The following ENTREP2 variants were observed in gnomAD, a reference collection of about 807,000 sequenced individuals.
The protein encoded by ENTREP2 is protein ENTREP2.
At chr15:29,155,010 T>G in the ENTREP2 span, among the ~76,000 whole-genome samples, 1 of 150,578 alleles carries the variant, frequency 6.6e-6, no homozygotes, top group Non-Finnish European at 1.5e-5. Flanking sequence ...CGGCCGGGCG[T>G]GGTGGCTCAT....
chr15:29,185,837 C>T, the ENTREP2 span, among the ~76,000 whole-genome samples: 2 of 152,228 alleles, frequency 1.3e-5, no homozygotes, highest in African/African-American at 4.8e-5. Flanking sequence ...GCAGGGATTA[C>T]AGGTGTGAGC....
At chr15:29,588,650 G>A in the ENTREP2 span, among the ~76,000 whole-genome samples, 1 of 151,532 alleles carries the variant, frequency 6.6e-6, no homozygotes. Flanking sequence ...GGAGAAAGAG[G>A]AAACCTGTAC....
the ENTREP2 span, among the ~76,000 whole-genome samples, chr15:29,313,982 C>T: frequency 1.3e-5 from 2 of 152,056 alleles, no homozygotes; most frequent in East Asian, 1.9e-4. Flanking sequence ...TCAAAATTTC[C>T]GTGGAGGAAG....
At chr15:29,215,737 C>T in the ENTREP2 span, among the ~76,000 whole-genome samples, 1 of 152,078 alleles carries the variant, frequency 6.6e-6, no homozygotes, top group Non-Finnish European at 1.5e-5. Flanking sequence ...CTTTTGGTGT[C>T]AATTTGCGTG....
the ENTREP2 span, chr15:29,234,977 A>AC: frequency 6.9e-7 from 1 of 1,453,926 alleles, no homozygotes; most frequent in South Asian, 1.1e-5. Flanking sequence ...GATTGTATTA[A>AC]CACAGCCATC....
At chr15:29,328,417 C>T in the ENTREP2 span, among the ~76,000 whole-genome samples, 2 of 152,276 alleles carry the variant, frequency 1.3e-5, no homozygotes, top group East Asian at 1.9e-4. Context: ...TGCAGATATG[C>T]TAACTTTTAA....
the ENTREP2 span, among the ~76,000 whole-genome samples, chr15:29,257,761 A>T: frequency 6.6e-6 from 1 of 152,290 alleles, no homozygotes; most frequent in South Asian, 2.1e-4. Context: ...AGTTAAATTT[A>T]TTTTCCTTAA....
the ENTREP2 span, among the ~76,000 whole-genome samples, chr15:29,561,463 C>G: frequency 1.3e-5 from 2 of 151,914 alleles, no homozygotes; most frequent in African/African-American, 2.4e-5. Context: ...TGAGGCAGGC[C>G]GATCACGAGG....
chr15:29,486,070 TACAG>T, the ENTREP2 span, among the ~76,000 whole-genome samples: 5 of 152,224 alleles, frequency 3.3e-5, no homozygotes, highest in Admixed American at 1.3e-4. Context: ...CCATGTTCAT[TACAG>T]CACTATTCAC....
the ENTREP2 span, among the ~76,000 whole-genome samples, chr15:29,135,338 G>A: frequency 1.1e-4 from 16 of 152,102 alleles, no homozygotes; most frequent in Admixed American, 5.9e-4. This position sits in a 1 kb window ranked among gnomAD's most constrained non-coding sequence, Gnocchi z 7.4. Flanking sequence ...TTTTCCAGTC[G>A]TTTGCTTTCT....
chr15:29,279,423 G>A, the ENTREP2 span, among the ~76,000 whole-genome samples: 1 of 151,240 alleles, frequency 6.6e-6, no homozygotes, highest in Non-Finnish European at 1.5e-5. Context: ...GGTGTGCAGT[G>A]GTGCAATCTC....
the ENTREP2 span, among the ~76,000 whole-genome samples, chr15:29,313,482 T>C: frequency 6.6e-6 from 1 of 152,314 alleles, no homozygotes; most frequent in South Asian, 2.1e-4. Context: ...CCCTTAAGAA[T>C]TATGCTAAAT....
At chr15:29,252,540 A>G in the ENTREP2 span, 1 of 895,890 alleles carries the variant, frequency 1.1e-6, no homozygotes, top group Non-Finnish European at 1.8e-6. Context: ...GAAAAATGAC[A>G]TGGCTTTACA....
chr15:29,217,905 G>C, the ENTREP2 span, among the ~76,000 whole-genome samples: 1 of 152,154 alleles, frequency 6.6e-6, no homozygotes, highest in Non-Finnish European at 1.5e-5. Flanking sequence ...AGGGCTGAAG[G>C]CTGTTGTTCA....
chr15:29,397,654 C>T, the ENTREP2 span, among the ~76,000 whole-genome samples: 4,457 of 152,290 alleles, frequency 0.029, 81 homozygotes, highest in Non-Finnish European at 0.049. Context: ...TGCTAAATTA[C>T]TACAATTGAT....
the ENTREP2 span, among the ~76,000 whole-genome samples, chr15:29,589,758 T>G: frequency 1.3e-5 from 2 of 152,084 alleles, no homozygotes; most frequent in Admixed American, 6.6e-5. Flanking sequence ...ATACAGACAG[T>G]AGGAAAAACA....
At chr15:29,147,147 A>G in the ENTREP2 span, among the ~76,000 whole-genome samples, 1 of 152,234 alleles carries the variant, frequency 6.6e-6, no homozygotes, top group Non-Finnish European at 1.5e-5. Flanking sequence ...TATATATCTG[A>G]TAAGGGGGTT....
At chr15:29,318,353 C>T in the ENTREP2 span, among the ~76,000 whole-genome samples, 1 of 151,324 alleles carries the variant, frequency 6.6e-6, no homozygotes, top group Non-Finnish European at 1.5e-5. Flanking sequence ...CGGAGTTTTG[C>T]TCAGTCACCC....
the ENTREP2 span, among the ~76,000 whole-genome samples, chr15:29,172,513 A>T: frequency 6.6e-6 from 1 of 152,064 alleles, no homozygotes; most frequent in African/African-American, 2.4e-5. Context: ...GGATGGACAG[A>T]GAAAAATTTC....
Sources: gnomAD v4.1 joint callset for allele counts (sites outside exome capture counted in the v4.1 genomes callset) on GRCh38, gnomAD v4.1.1 for gene constraint, Gnocchi (gnomAD v3.1) non-coding constraint, MANE v1.5 for transcripts, NCBI Gene and HGNC (gene_info 2026-07-23, HGNC 2026-07-21) for gene names.